The following PIAS4 variants were observed in gnomAD, a reference collection of about 807,000 sequenced individuals.
PIAS4 encodes the protein E3 SUMO-protein ligase PIAS4.
PIAS4 carries 7 observed loss-of-function variants against 58.0 expected under a neutral mutation model. The observed-to-expected ratio is 0.12, with a 90% CI of 0.07 to 0.23. The LOEUF (loss-of-function observed/expected upper bound fraction) is 0.23. PIAS4 is among the 10% of genes least tolerant of loss of function. The pLI is 1.00. For missense variants in PIAS4, 550 were observed against 709.5 expected, an observed-to-expected ratio of 0.78 and a Z score of 2.55; for synonymous variants, 364 against 312.4, an observed-to-expected ratio of 1.17 and a Z score of -1.74.
intron 9 of PIAS4, among the ~76,000 whole-genome samples, chr19:4,036,469 C>T (rs535750081): frequency 4.3e-5 from 6 of 139,694 alleles, no homozygotes; most frequent in South Asian, 2.3e-4. Context: ...CGGTCCACAC[C>T]GTCACACATC....
In PIAS4 at chr19:4,037,672, C is replaced by T. The variant is rs756402012; in HGVS notation, c.1330C>T (p.Leu444=). The T allele has an allele frequency of 1.1e-4, 174 of 1,612,034 alleles. 4 individuals carry two copies. In the South Asian group the frequency reaches 1.3e-3, roughly 12 times the overall value. Residue 444 remains leucine, a synonymous_variant, in exon 11 of 11, where the codon CTG becomes TTG. Coordinates refer to ENST00000262971, the MANE Select transcript of PIAS4 (RefSeq NM_015897.4). This position sits in a 1 kb window ranked among gnomAD's most constrained non-coding sequence, Gnocchi z 5.8. Reference sequence around the variant, plus strand: ...CCCCAGCGTCAACGGGAGCGGTGCCCTGGGCAGCACGGGTGGCGGCGGCCC... The same window carrying T: ...CCCCAGCGTCAACGGGAGCGGTGCCTTGGGCAGCACGGGTGGCGGCGGCCC... ...PAPSVNGSGA[L]GSTGGGGPVG... is the part of the protein sequence containing the mutation.
rs912915733 is a variant in PIAS4, at chr19:4,038,383, C to T, written c.*508C>T. On this transcript the variant is annotated 3_prime_UTR_variant, in exon 11 of 11. Coordinates refer to ENST00000262971, the MANE Select transcript of PIAS4 (RefSeq NM_015897.4). The surrounding 1 kb of genome is among the most constrained non-coding windows in gnomAD (Gnocchi z 4.1). Reference sequence around the variant, plus strand: ...GCAAATGCATCCTCGCCCAGAGACCCTCACGCGCCGAGCAGCGAGCGTTTT... The same window carrying T: ...GCAAATGCATCCTCGCCCAGAGACCTTCACGCGCCGAGCAGCGAGCGTTTT... 9 of 151,726 alleles carry T rather than the reference C, an allele frequency of 5.9e-5. No individual in the cohort carries two copies. The highest frequency in any genetic ancestry group is 2.2e-4 in the African/African-American group (9 of 41,238). The allele number at this position is 151,726 out of a possible 1,614,324, so 9.4% of individuals were successfully genotyped here. A position where few individuals can be genotyped will look rare whatever the true frequency, so the allele number is the denominator to read the frequency against.
intron 9 of PIAS4, among the ~76,000 whole-genome samples, chr19:4,035,191 C>T (rs1366805222): frequency 6.6e-6 from 1 of 152,092 alleles, no homozygotes; most frequent in Non-Finnish European, 1.5e-5. Context: ...GTGAGAGCCT[C>T]AGAAAGGGTG....
Position 4,037,251 on chromosome 19 carries a change from G to T in PIAS4, c.1143-123G>T. 7.8e-7 allele frequency: 1 copy of T among 1,283,036 alleles called. No individual in the cohort carries two copies. The highest frequency in any genetic ancestry group is 2.4e-5 in the East Asian group (1 of 41,578). The allele number at this position is 1,283,036 out of a possible 1,614,324, so 79.5% of individuals were successfully genotyped here. On this transcript the variant is annotated intron_variant, in intron 9 of 10. Coordinates refer to ENST00000262971, the MANE Select transcript of PIAS4 (RefSeq NM_015897.4). This position sits in a 1 kb window ranked among gnomAD's most constrained non-coding sequence, Gnocchi z 5.8. ...TCCCTGGACCCCTGCGGTCGGGGTG[G>T]TGAGGCTGCTCTTGCAGAGAGAAGT...
chr19:4,029,120 G>A (rs2040198174), intron 7 of PIAS4, 84 bp downstream of exon 7: 1 of 965,698 alleles, frequency 1.0e-6, no homozygotes, highest in Admixed American at 2.1e-5. Flanking sequence ...GGGGGGCCCT[G>A]CACCCGGAGG....
Position 4,019,856 on chromosome 19 carries a change from G to GTGCA in PIAS4, c.455-4179_455-4176dup, listed in dbSNP as rs529866649. Reference sequence around the variant, plus strand: ...AGAAACAGGTCAACATGGGCGGGACGTGCAGGCTGAGGCCACAGAGGCCCT... The same window carrying GTGCA: ...AGAAACAGGTCAACATGGGCGGGACGTGCATGCAGGCTGAGGCCACAGAGGCCCT... On this transcript the variant is annotated intron_variant, in intron 2 of 10. Transcript: ENST00000262971. 4.9e-4 allele frequency among the ~76,000 whole-genome samples: 75 copies of GTGCA among 152,206 alleles called. 1 individual carries two copies. The East Asian group carries it at 9.9e-3, about 20-fold the overall frequency.
intron 1 of PIAS4, among the ~76,000 whole-genome samples, chr19:4,009,531 C>G (rs559555378): frequency 6.6e-6 from 1 of 152,192 alleles, no homozygotes; most frequent in Admixed American, 6.5e-5. Context: ...GAAATATGAT[C>G]TGATGAACTT....
At chr19:4,014,441 C>T (rs895673422) in intron 2 of PIAS4, among the ~76,000 whole-genome samples, 7 of 152,202 alleles carry the variant, frequency 4.6e-5, no homozygotes, top group African/African-American at 7.2e-5. Context: ...CTGGGACTCC[C>T]AGATAGGGAG....
chr19:4,008,431 T>A (rs2039963541), intron 1 of PIAS4, among the ~76,000 whole-genome samples: 1 of 151,980 alleles, frequency 6.6e-6, no homozygotes, highest in Non-Finnish European at 1.5e-5. Context: ...GAGCCCCTCT[T>A]CAGCTCCTGC....
intron 1 of PIAS4, 146 bp downstream of exon 1, chr19:4,007,933 C>G (rs957779497): frequency 1.8e-5 from 9 of 489,248 alleles, no homozygotes; most frequent in Non-Finnish European, 2.4e-5. Flanking sequence ...CCCCGACCCC[C>G]GGTCTCAGGG....
At chr19:4,021,197 G>T (rs536387085) in intron 2 of PIAS4, among the ~76,000 whole-genome samples, 3 of 152,228 alleles carry the variant, frequency 2.0e-5, no homozygotes, top group Non-Finnish European at 2.9e-5. Flanking sequence ...CTGTCACCCA[G>T]GCTGGAGTGC....
chr19:4,021,209 G>T (rs1346093080), intron 2 of PIAS4, among the ~76,000 whole-genome samples: 1 of 152,116 alleles, frequency 6.6e-6, no homozygotes, highest in Non-Finnish European at 1.5e-5. Flanking sequence ...CTGGAGTGCA[G>T]TTACACAATC....
At position 4,009,543 on chromosome 19, in the gene PIAS4, C is replaced by A. The variant is rs528362867; in HGVS notation, c.27+1756C>A. On this transcript the variant is annotated intron_variant, in intron 1 of 10. Transcript: ENST00000262971. ...CTTGAAATATGATCTGATGAACTTTCCTTAACCCTCTGGTGGCTGGGCCCC... is the reference window on the plus strand; with the variant it reads ...CTTGAAATATGATCTGATGAACTTTACTTAACCCTCTGGTGGCTGGGCCCC... Among the ~76,000 whole-genome samples the A allele has an allele frequency of 2.0e-5, 3 of 152,184 alleles. No individual in the cohort carries two copies. In the East Asian group the frequency reaches 5.8e-4, roughly 29 times the overall value.
chr19:4,021,373 C>T (rs994428833), intron 2 of PIAS4, among the ~76,000 whole-genome samples: 1 of 152,080 alleles, frequency 6.6e-6, no homozygotes, highest in Admixed American at 6.6e-5. Context: ...TCTTGAACTC[C>T]TGACCTCAAG....
chr19:4,029,005 G>T lies in PIAS4; in HGVS notation c.876G>T (p.Gly292=), dbSNP rs766386357. The change falls in exon 7 of 11, where the codon GGG becomes GGT. Residue 292 remains glycine (G), a synonymous_variant. Coordinates refer to ENST00000262971, the MANE Select transcript of PIAS4 (RefSeq NM_015897.4). The part of the protein sequence containing the change: ...SELLQRLKTI[G]VKHPELCKAL... ...TGCTGCAGAGGCTGAAGACCATTGG[G>T]GTAAAGCACCCGGAGCTGTGCAAGG... 1 of 1,609,100 alleles carries T rather than the reference G, an allele frequency of 6.2e-7. No homozygotes were observed. Among genetic ancestry groups the T allele is most frequent in the African/African-American group, 1.3e-5 (1 of 74,846 alleles).
intron 1 of PIAS4, among the ~76,000 whole-genome samples, chr19:4,010,124 A>G (rs1384510048): frequency 1.3e-5 from 2 of 152,208 alleles, no homozygotes; most frequent in African/African-American, 2.4e-5. Flanking sequence ...GACGGCAAGC[A>G]GGTCAGCTTG....
chr19:4,037,471 A>C lies in PIAS4; in HGVS notation c.1240A>C (p.Ser414Arg). The C allele has an allele frequency of 6.2e-7, 1 of 1,611,456 alleles. No homozygotes were observed. Among genetic ancestry groups the C allele is most frequent in the Non-Finnish European group, 8.5e-7 (1 of 1,179,512 alleles). Reference protein sequence around the residue: ...WCPIRAEKERSCSPQGAILVL... With the variant: ...WCPIRAEKERRCSPQGAILVL... Reference sequence around the variant, plus strand: ...CCCGATCCGCGCCGAAAAGGAGCGCAGCTGCAGCCCGCAGGGCGCCATCCT... The same window carrying C: ...CCCGATCCGCGCCGAAAAGGAGCGCCGCTGCAGCCCGCAGGGCGCCATCCT... Residue 414 changes from serine to arginine, a missense_variant, in exon 10 of 11, where the codon AGC becomes CGC. By Grantham distance (110) the Ser-to-Arg change is moderately radical. Around this residue, in one of 4 missense-constraint regions of PIAS4, gnomAD observed 188 missense variants for 192.0 expected, o/e 0.98. Transcript: ENST00000262971. The surrounding 1 kb of genome is among the most constrained non-coding windows in gnomAD (Gnocchi z 5.8).
chr19:4,008,597 C>G (rs905634514), intron 1 of PIAS4, among the ~76,000 whole-genome samples: 22 of 152,074 alleles, frequency 1.4e-4, no homozygotes, highest in African/African-American at 5.1e-4. Context: ...TTTTTTTAAT[C>G]TTAAATCCTG....
At chr19:4,008,297 C>T (rs534553236) in intron 1 of PIAS4, among the ~76,000 whole-genome samples, 33 of 152,254 alleles carry the variant, frequency 2.2e-4, no homozygotes, top group Non-Finnish European at 3.4e-4. Context: ...GAGTCTCCTG[C>T]TCGGAAGGGT....
Sources: allele counts gnomAD v4.1 joint callset (sites outside exome capture counted in the v4.1 genomes callset), GRCh38; gene constraint gnomAD v4.1.1; regional missense constraint gnomAD v4.1.1; non-coding constraint Gnocchi (gnomAD v3.1); transcripts MANE v1.5; gene names NCBI Gene and HGNC (gene_info 2026-07-23, HGNC 2026-07-21).